The following PPP3CC variants were observed in gnomAD, a reference collection of about 807,000 sequenced individuals.
The protein encoded by PPP3CC is serine/threonine-protein phosphatase 2B catalytic subunit gamma isoform.
Under a neutral mutation model 60.3 loss-of-function variants are expected in PPP3CC, and 35 were observed. That is an observed-to-expected ratio of 0.58 (90% CI 0.44 to 0.77). The LOEUF is 0.77. PPP3CC is among the 30% of genes least tolerant of loss of function. PPP3CC has a pLI of 0.00. For synonymous variants in PPP3CC, 206 were observed against 224.3 expected (o/e 0.92, Z 0.73); for missense variants, 570 against 628.9 (o/e 0.91, Z 1.00).
intron 4 of PPP3CC, 154 bp from the exon 5 acceptor site, chr8:22,510,932 C>A: frequency 1.3e-6 from 1 of 798,356 alleles, no homozygotes; most frequent in Non-Finnish European, 1.9e-6. Flanking sequence ...CTATTATCCA[C>A]AACTTTTCAA....
rs544192003 is a variant in PPP3CC, at chr8:22,441,359, G to A, written c.-51G>A. Reference sequence around the variant, plus strand: ...CCGAGGAGAAGGCGGCGGCCGCGGCGTAGGCGCACGTCCGGCGGGCTCCTG... The same window carrying A: ...CCGAGGAGAAGGCGGCGGCCGCGGCATAGGCGCACGTCCGGCGGGCTCCTG... On this transcript the variant is annotated 5_prime_UTR_variant, in exon 1 of 14. Transcript: ENST00000240139. 5 of 1,505,088 alleles carry A rather than the reference G, an allele frequency of 3.3e-6. No individual in the cohort carries two copies. In the South Asian group the frequency reaches 6.2e-5, roughly 19 times the overall value. 93.2% of individuals were successfully genotyped at this position (1,505,088 alleles called of 1,614,324 possible).
At chr8:22,447,434 G>A (rs1035458746) in intron 1 of PPP3CC, among the ~76,000 whole-genome samples, 1 of 151,710 alleles carries the variant, frequency 6.6e-6, no homozygotes, top group Admixed American at 6.6e-5. Context: ...CGCCCGTCTC[G>A]GCCTCCCAAA....
intron 3 of PPP3CC, among the ~76,000 whole-genome samples, chr8:22,483,244 T>G (rs999166578): frequency 6.6e-6 from 1 of 152,212 alleles, no homozygotes; most frequent in Non-Finnish European, 1.5e-5. Flanking sequence ...GCTCAATCTT[T>G]GGGAAGACCA....
At chr8:22,530,817 C>T (rs2461485) in intron 10 of PPP3CC, among the ~76,000 whole-genome samples, 60,335 of 123,552 alleles carry the variant, frequency 0.49, 13,983 homozygotes, top group East Asian at 0.62. Flanking sequence ...GGCGACAGAG[C>T]GAGACTCATC....
At chr8:22,497,946 G>A (rs989805762) in intron 3 of PPP3CC, 55 bp from the exon 4 acceptor site, 3 of 1,125,468 alleles carry the variant, frequency 2.7e-6, no homozygotes, top group Admixed American at 2.1e-5. Flanking sequence ...TATAAATTGT[G>A]TTTATGCATT....
chr8:22,520,785 C>T (rs1382345629), intron 6 of PPP3CC, among the ~76,000 whole-genome samples: 1 of 152,062 alleles, frequency 6.6e-6, no homozygotes, highest in Admixed American at 6.6e-5. Context: ...CTTTGTCATG[C>T]AATTCATACA....
At chr8:22,514,963 C>T (rs1839203758) in intron 6 of PPP3CC, among the ~76,000 whole-genome samples, 1 of 152,136 alleles carries the variant, frequency 6.6e-6, no homozygotes, top group South Asian at 2.1e-4. Context: ...CAGGCATGAG[C>T]CACTGTGGCC....
chr8:22,513,471 C>A, intron 6 of PPP3CC, 39 bp downstream of exon 6: 1 of 1,538,172 alleles, frequency 6.5e-7, no homozygotes, highest in Non-Finnish European at 8.8e-7. Flanking sequence ...TGAAAGGAAA[C>A]TGTAATTCAT....
At chr8:22,446,223 A>T (rs916220606) in intron 1 of PPP3CC, among the ~76,000 whole-genome samples, 1 of 152,192 alleles carries the variant, frequency 6.6e-6, no homozygotes, top group African/African-American at 2.4e-5. Flanking sequence ...CTCAACCAAA[A>T]TAAATAGATT....
At chr8:22,477,285 T>C (rs1837918344) in intron 3 of PPP3CC, among the ~76,000 whole-genome samples, 1 of 152,158 alleles carries the variant, frequency 6.6e-6, no homozygotes, top group Non-Finnish European at 1.5e-5. Flanking sequence ...GAGACCAGCC[T>C]GGCCAACATG....
At chr8:22,473,274 C>T (rs145944201) in intron 1 of PPP3CC, among the ~76,000 whole-genome samples, 14 of 152,196 alleles carry the variant, frequency 9.2e-5, no homozygotes, top group Non-Finnish European at 2.1e-4. Flanking sequence ...ACTTGTGGCT[C>T]TTAGATCCCA....
At chr8:22,521,600 C>T (rs1208273999) in intron 6 of PPP3CC, among the ~76,000 whole-genome samples, 1 of 152,152 alleles carries the variant, frequency 6.6e-6, no homozygotes, top group Non-Finnish European at 1.5e-5. Context: ...GTAGGAGGAC[C>T]AGGGCTGGGG....
chr8:22,530,469 A>AC (rs1266628418), intron 10 of PPP3CC, among the ~76,000 whole-genome samples: 3 of 151,738 alleles, frequency 2.0e-5, no homozygotes, highest in Non-Finnish European at 2.9e-5. Context: ...AAACAAACAG[A>AC]AACACATATA....
chr8:22,464,745 C>T (rs1467860525), intron 1 of PPP3CC, among the ~76,000 whole-genome samples: 1 of 152,056 alleles, frequency 6.6e-6, no homozygotes, highest in Non-Finnish European at 1.5e-5. Context: ...AGCACATAGA[C>T]GTAGATAGTT....
chr8:22,509,088 A>G (rs1435641970), intron 4 of PPP3CC, among the ~76,000 whole-genome samples: 4 of 152,188 alleles, frequency 2.6e-5, no homozygotes. Context: ...CGTTAAAGAG[A>G]AATCTTCACA....
chr8:22,527,282 C>T, intron 8 of PPP3CC, 110 bp from the exon 9 acceptor site: 1 of 1,279,636 alleles, frequency 7.8e-7, no homozygotes, highest in Non-Finnish European at 1.1e-6. Context: ...CCTGACTTTA[C>T]AAATGGAAAG....
At chr8:22,448,199 A>G (rs908702394) in intron 1 of PPP3CC, among the ~76,000 whole-genome samples, 1 of 152,162 alleles carries the variant, frequency 6.6e-6, no homozygotes, top group Non-Finnish European at 1.5e-5. Context: ...AAGTGGTGAA[A>G]ACGAAACGAA....
At chr8:22,527,097 G>A (rs890528248) in intron 8 of PPP3CC, among the ~76,000 whole-genome samples, 2 of 152,134 alleles carry the variant, frequency 1.3e-5, no homozygotes, top group Non-Finnish European at 2.9e-5. Flanking sequence ...TTTTCCTCAC[G>A]TGGATCTTGA....
chr8:22,519,680 G>C (rs1271339131), intron 6 of PPP3CC, among the ~76,000 whole-genome samples: 1 of 152,046 alleles, frequency 6.6e-6, no homozygotes, highest in Non-Finnish European at 1.5e-5. Context: ...TTTGAGACAG[G>C]GTCTTGCTCT....
Sources: gnomAD v4.1 joint callset for allele counts (sites outside exome capture counted in the v4.1 genomes callset) on GRCh38, gnomAD v4.1.1 for gene constraint, MANE v1.5 for transcripts, NCBI Gene and HGNC (gene_info 2026-07-23, HGNC 2026-07-21) for gene names.